Variants in DNAL1 observed in about 807,000 individuals in gnomAD.
The protein encoded by DNAL1 is chromosome 14 open reading frame 168.
A neutral mutation model predicts 29.4 loss-of-function variants in DNAL1; 17 were observed. The observed-to-expected ratio is 0.58, with a 90% CI of 0.40 to 0.87. The LOEUF (loss-of-function observed/expected upper bound fraction) is 0.87. DNAL1 is among the 40% of genes least tolerant of loss of function. The probability of loss-of-function intolerance (pLI) is 0.00; values close to 1 mark genes in which losing one functional copy is unlikely to be tolerated. For synonymous variants in DNAL1, 78 were observed against 76.3 expected, an observed-to-expected ratio of 1.02 and a Z score of -0.12; for missense variants, 188 against 214.1, an observed-to-expected ratio of 0.88 and a Z score of 0.76.
chr14:73,648,216 G>C (rs927645723), intron 1 of DNAL1, among the ~76,000 whole-genome samples: 16 of 151,538 alleles, frequency 1.1e-4, no homozygotes, highest in African/African-American at 3.9e-4. Context: ...GACCTCAAGT[G>C]ATCTGCCCAC....
Position 73,701,517 on chromosome 14 carries a change from G to A in DNAL1, c.*5575G>A, listed in dbSNP as rs138731377. The A allele has an allele frequency of 6.6e-5, 10 of 152,272 alleles. No individual in the cohort carries two copies. Among genetic ancestry groups the A allele is most frequent in the East Asian group, 3.9e-4 (2 of 5,188 alleles). The allele number at this position is 152,272 out of a possible 1,614,324, so 9.4% of individuals were successfully genotyped here. A position where few individuals can be genotyped will look rare whatever the true frequency, so the allele number is the denominator to read the frequency against. On this transcript the variant is annotated 3_prime_UTR_variant, in exon 8 of 8. Transcript: ENST00000553645. ...CTCCTACTCAGAATAGAAGCTTTGC[G>A]AATTATCATTCCCACCTCTAGATTT... is the stretch of plus-strand genomic sequence containing the variant.
At chr14:73,649,080 A>T (rs114816433) in intron 1 of DNAL1, among the ~76,000 whole-genome samples, 1 of 151,504 alleles carries the variant, frequency 6.6e-6, no homozygotes, top group Non-Finnish European at 1.5e-5. Context: ...GGTTCAAGCA[A>T]TTCTCCTCGT....
chr14:73,652,297 T>C (rs1891129903), intron 1 of DNAL1, among the ~76,000 whole-genome samples: 1 of 152,154 alleles, frequency 6.6e-6, no homozygotes, highest in Non-Finnish European at 1.5e-5. Flanking sequence ...AGGGTCTTGC[T>C]CTGTTGCCCA....
At chr14:73,648,418 T>TATATATATATATATATATATATATATATG (rs1566878086) in intron 1 of DNAL1, among the ~76,000 whole-genome samples, 1 of 9,430 alleles carries the variant, frequency 1.1e-4, no homozygotes, top group African/African-American at 5.9e-4. Context: ...ATATATATAT[T>TATATATATATATATATATATATATATATG]TGTTGTTTGT....
intron 5 of DNAL1, among the ~76,000 whole-genome samples, chr14:73,675,668 C>T (rs1409059283): frequency 6.6e-6 from 1 of 152,030 alleles, no homozygotes; most frequent in Non-Finnish European, 1.5e-5. Context: ...AGTAGACACT[C>T]TGTAAGTGTT....
rs56225198 is a variant in DNAL1 at position 73,694,237 on chromosome 14, TATAAATAAATAAATAAATAA to T, written c.533-1631_533-1612del. ...CCTGGGCAACATAGCAAGCCCTGTC[TATAAATAAATAAATAAATAA>T]ATAAATAAATAAATAAATAAATAAA... On this transcript the variant is annotated intron_variant, in intron 7 of 7. Coordinates refer to ENST00000553645, the MANE Select transcript of DNAL1 (RefSeq NM_031427.4). 8.2e-4 allele frequency among the ~76,000 whole-genome samples: 105 copies of T among 128,122 alleles called. 1 individual carries two copies. The highest frequency in any genetic ancestry group is 1.8e-3 in the African/African-American group (63 of 34,682). 84.1% of individuals were successfully genotyped at this position (128,122 alleles called of 152,430 possible).
chr14:73,675,325 C>T (rs998088387), intron 5 of DNAL1, among the ~76,000 whole-genome samples: 2 of 151,542 alleles, frequency 1.3e-5, no homozygotes, highest in Non-Finnish European at 2.9e-5. Flanking sequence ...ATGATTACAG[C>T]TCACTGTAAT....
intron 1 of DNAL1, among the ~76,000 whole-genome samples, chr14:73,653,945 A>C (rs1422000464): frequency 1.3e-5 from 2 of 152,248 alleles, no homozygotes; most frequent in African/African-American, 4.8e-5. Context: ...GAACTATGAC[A>C]AATACTTTAT....
At chr14:73,651,641 T>TATG (rs1891115832) in intron 1 of DNAL1, among the ~76,000 whole-genome samples, 1 of 152,182 alleles carries the variant, frequency 6.6e-6, no homozygotes, top group Non-Finnish European at 1.5e-5. Context: ...CTTATTGCCA[T>TATG]ATGTTTGCTT....
rs1416836664 is a variant in DNAL1, at chr14:73,700,645, T to C, written c.*4703T>C. 1 of 152,238 alleles carries C rather than the reference T, an allele frequency of 6.6e-6. No homozygotes were observed. The highest frequency in any genetic ancestry group is 1.5e-5 in the Non-Finnish European group (1 of 68,040). The allele number at this position is 152,238 out of a possible 1,614,324, so 9.4% of individuals were successfully genotyped here. On this transcript the variant is annotated 3_prime_UTR_variant, in exon 8 of 8. Transcript: ENST00000553645. ...CAAAGCATCAGTCATGAATAGATTATGTCTCTCTGACTACAGTCAGACCAT... is the reference window on the plus strand; with the variant it reads ...CAAAGCATCAGTCATGAATAGATTACGTCTCTCTGACTACAGTCAGACCAT...
At chr14:73,659,074 A>C in intron 3 of DNAL1, 118 bp downstream of exon 3, 4 of 698,044 alleles carry the variant, frequency 5.7e-6, no homozygotes, top group Non-Finnish European at 8.9e-6. Context: ...TTGTTTGCTT[A>C]GTGTAATTCT....
intron 5 of DNAL1, 120 bp downstream of exon 5, chr14:73,671,717 T>C: frequency 8.7e-7 from 1 of 1,144,470 alleles, no homozygotes; most frequent in Non-Finnish European, 1.1e-6. Flanking sequence ...CTTTTAAGGC[T>C]TTTGTGACAT....
At chr14:73,693,655 G>A (rs1392964840) in intron 7 of DNAL1, among the ~76,000 whole-genome samples, 2 of 152,142 alleles carry the variant, frequency 1.3e-5, no homozygotes, top group Non-Finnish European at 2.9e-5. Context: ...AGGCTGTAAT[G>A]AGCTGTGATC....
intron 5 of DNAL1, among the ~76,000 whole-genome samples, chr14:73,676,238 A>G (rs980837632): frequency 6.6e-6 from 1 of 151,820 alleles, no homozygotes; most frequent in Non-Finnish European, 1.5e-5. Flanking sequence ...TGTCTCAAAA[A>G]AAAAAAAAAT....
chr14:73,697,245 A>G lies in DNAL1; in HGVS notation c.*1303A>G. The G allele has an allele frequency of 6.6e-6, 1 of 152,310 alleles. No individual in the cohort carries two copies. The highest frequency in any genetic ancestry group is 1.9e-4 in the East Asian group (1 of 5,192). 9.4% of individuals were successfully genotyped at this position (152,310 alleles called of 1,614,324 possible). A position where few individuals can be genotyped will look rare whatever the true frequency, so the allele number is the denominator to read the frequency against. On this transcript the variant is annotated 3_prime_UTR_variant, in exon 8 of 8. Transcript: ENST00000553645. ...AAATTGTGCCTAAAGTCCCTCAGAG[A>G]CTGTTGATTCTGGTTTCCCCATCTA...
intron 4 of DNAL1, among the ~76,000 whole-genome samples, chr14:73,662,394 T>G (rs1891376994): frequency 6.6e-6 from 1 of 152,200 alleles, no homozygotes; most frequent in South Asian, 2.1e-4. Context: ...CCTGTGCTCC[T>G]TATCCTCGTT....
At chr14:73,655,607 A>G (rs1891200427) in intron 2 of DNAL1, among the ~76,000 whole-genome samples, 1 of 151,962 alleles carries the variant, frequency 6.6e-6, no homozygotes, top group Admixed American at 6.6e-5. Flanking sequence ...TCAGCCTCCC[A>G]AAGTGCTGGG....
At position 73,695,933 on chromosome 14, in the gene DNAL1, A is replaced by G. The variant is rs1310776318; in HGVS notation, c.564A>G (p.Glu188=). The change falls in exon 8 of 8, where the codon GAA becomes GAG. Residue 188 remains glutamate, a synonymous_variant. Transcript: ENST00000553645. ...CAGTAATTAAAGGGGATGAGGAAGAAGACAACTAATGCCACGCTTTCCACT... is the reference window on the plus strand; with the variant it reads ...CAGTAATTAAAGGGGATGAGGAAGAGGACAACTAATGCCACGCTTTCCACT... The part of the protein sequence containing the change: ...GTPVIKGDEE[E]DN The G allele has an allele frequency of 6.3e-7, 1 of 1,590,346 alleles. No homozygotes were observed. The highest frequency in any genetic ancestry group is 1.3e-5 in the African/African-American group (1 of 74,634).
chr14:73,661,877 G>T, intron 3 of DNAL1, 110 bp from the exon 4 acceptor site: 1 of 644,802 alleles, frequency 1.6e-6, no homozygotes, highest in African/African-American at 1.9e-5. Context: ...ATGATTGAGT[G>T]GGGAAAATAT....
Sources: allele counts gnomAD v4.1 joint callset (sites outside exome capture counted in the v4.1 genomes callset), GRCh38; gene constraint gnomAD v4.1.1; transcripts MANE v1.5; gene names NCBI Gene and HGNC (gene_info 2026-07-23, HGNC 2026-07-21).